The following BRINP1 variants were observed in gnomAD, a reference collection of about 807,000 sequenced individuals.
The protein encoded by BRINP1 is BMP/retinoic acid inducible neural specific 1, also known as BMP/retinoic acid-inducible neural-specific protein 1.
In BRINP1, 17 loss-of-function variants were observed where a neutral mutation model predicts 72.9. The ratio of observed to expected loss-of-function variants is 0.23; its 90% CI spans 0.16 to 0.35. BRINP1 has a LOEUF of 0.35. BRINP1 is among the 10% of genes least tolerant of loss of function. The pLI, the probability that BRINP1 is intolerant of heterozygous loss-of-function variation, is 1.00. For synonymous variants in BRINP1, 418 were observed against 378.5 expected (o/e 1.10, Z -1.21); for missense variants, 850 against 1,001.6 (o/e 0.85, Z 2.04).
chr9:119,246,817 T>A (rs1379491352), intron 3 of BRINP1, among the ~76,000 whole-genome samples: 2 of 152,220 alleles, frequency 1.3e-5, no homozygotes, highest in Admixed American at 6.5e-5. Context: ...TTATGGCACA[T>A]AGTGTTCAAT....
intron 4 of BRINP1, among the ~76,000 whole-genome samples, chr9:119,239,029 T>G (rs1218885488): frequency 6.6e-6 from 1 of 152,176 alleles, no homozygotes; most frequent in African/African-American, 2.4e-5. Context: ...AGACATGAAC[T>G]TAGAAGTTGA....
Position 119,368,654 on chromosome 9 carries a change from C to T in BRINP1, c.-51+402G>A, listed in dbSNP as rs1831720638. Among the ~76,000 whole-genome samples the T allele has an allele frequency of 6.6e-6, 1 of 152,124 alleles. No individual in the cohort carries two copies. Among genetic ancestry groups the T allele is most frequent in the African/African-American group, 2.4e-5 (1 of 41,428 alleles). Reference sequence around the variant, plus strand: ...ACATACGTACAAACATGCACACACACATCGCGCCGTAAGTAGGTTATAGGA... The same window carrying T: ...ACATACGTACAAACATGCACACACATATCGCGCCGTAAGTAGGTTATAGGA... On this transcript the variant is annotated intron_variant, in intron 1 of 7. Transcript: ENST00000265922. This position sits in a 1 kb window ranked among gnomAD's most constrained non-coding sequence, Gnocchi z 4.7.
intron 7 of BRINP1, among the ~76,000 whole-genome samples, chr9:119,169,994 CAAAGACCAAAAGTAGA>C (rs1363201553): frequency 6.6e-6 from 1 of 152,162 alleles, no homozygotes; most frequent in African/African-American, 2.4e-5. Flanking sequence ...TCACCATCAT[CAAAGACCAAAAGTAGA>C]TAAAACCACA....
intron 1 of BRINP1, among the ~76,000 whole-genome samples, chr9:119,318,317 A>G (rs1309451599): frequency 6.6e-6 from 1 of 152,230 alleles, no homozygotes; most frequent in Non-Finnish European, 1.5e-5. Context: ...AATATGAAAG[A>G]TAAAGCAAAG....
intron 7 of BRINP1, among the ~76,000 whole-genome samples, chr9:119,193,478 C>T (rs949548090): frequency 1.3e-5 from 2 of 152,042 alleles, no homozygotes; most frequent in African/African-American, 4.8e-5. Context: ...TACAAAATAA[C>T]AAATAAGTAG....
chr9:119,332,051 A>C, intron 1 of BRINP1, among the ~76,000 whole-genome samples: 1 of 152,172 alleles, frequency 6.6e-6, no homozygotes, highest in East Asian at 1.9e-4. Context: ...TGCAGGGACA[A>C]GCCTCCTGAT....
intron 2 of BRINP1, among the ~76,000 whole-genome samples, chr9:119,261,411 T>C (rs1024437538): frequency 3.9e-5 from 6 of 152,196 alleles, no homozygotes; most frequent in Non-Finnish European, 8.8e-5. Flanking sequence ...TAACTTATGG[T>C]AGGGATTGCC....
intron 7 of BRINP1, among the ~76,000 whole-genome samples, chr9:119,207,044 T>C (rs188438781): frequency 6.6e-6 from 1 of 152,158 alleles, no homozygotes; most frequent in African/African-American, 2.4e-5. Context: ...TGAGTTTGAA[T>C]GTCTGTACAA....
intron 1 of BRINP1, among the ~76,000 whole-genome samples, chr9:119,338,871 G>A (rs1366164457): frequency 6.6e-6 from 1 of 150,468 alleles, no homozygotes; most frequent in Non-Finnish European, 1.5e-5. Context: ...GGCGACACAG[G>A]GAGACTCCGT....
At chr9:119,241,996 C>A in intron 4 of BRINP1, 51 bp downstream of exon 4, 1 of 1,564,758 alleles carries the variant, frequency 6.4e-7, no homozygotes, top group South Asian at 1.2e-5. Context: ...GCCTGCATTG[C>A]AGTGTTGTTG....
intron 2 of BRINP1, among the ~76,000 whole-genome samples, chr9:119,305,352 A>G (rs547822597): frequency 3.0e-4 from 45 of 152,342 alleles, no homozygotes; most frequent in African/African-American, 1.1e-3. Context: ...CTAAATGGCT[A>G]TCTAGTAATA....
At chr9:119,362,498 A>G (rs1410333446) in intron 1 of BRINP1, among the ~76,000 whole-genome samples, 1 of 152,172 alleles carries the variant, frequency 6.6e-6, no homozygotes, top group Non-Finnish European at 1.5e-5. Context: ...AGATTTGCAG[A>G]TCGGTACTAT....
intron 2 of BRINP1, among the ~76,000 whole-genome samples, chr9:119,312,190 G>C (rs1046745950): frequency 6.6e-6 from 1 of 152,162 alleles, no homozygotes; most frequent in African/African-American, 2.4e-5. Flanking sequence ...CTGCATTACA[G>C]ACACCACCAT....
At chr9:119,193,227 A>T (rs1283155504) in intron 7 of BRINP1, among the ~76,000 whole-genome samples, 1 of 152,262 alleles carries the variant, frequency 6.6e-6, no homozygotes, top group African/African-American at 2.4e-5. Flanking sequence ...ATATGATATA[A>T]TATTATTCAG....
At position 119,249,099 on chromosome 9, in the gene BRINP1, C is replaced by A; in HGVS notation, c.270G>T (p.Leu90=). ...GCATGAGGGGCACTGGATGGCGGAC[C>A]AGATCTCTCCTCTCGATGGCTGTGT... ...VRNTAIERRD[L]VRHPVPLMPE... is the part of the protein sequence containing the mutation. Residue 90 remains leucine, a synonymous_variant, in exon 3 of 8, where the codon CTG becomes CTT. Transcript: ENST00000265922. The A allele has an allele frequency of 1.9e-6, 3 of 1,614,052 alleles. No individual in the cohort carries two copies. Among genetic ancestry groups the A allele is most frequent in the Non-Finnish European group, 2.5e-6 (3 of 1,180,020 alleles).
chr9:119,208,965 G>A (rs1829889680), intron 6 of BRINP1, 24 bp from the exon 7 acceptor site: 3 of 1,589,246 alleles, frequency 1.9e-6, no homozygotes, highest in Non-Finnish European at 2.6e-6. Flanking sequence ...AAGGCCGAGA[G>A]AGAAGGGCTA....
intron 1 of BRINP1, among the ~76,000 whole-genome samples, chr9:119,360,291 G>A (rs1831615861): frequency 6.6e-6 from 1 of 152,168 alleles, no homozygotes; most frequent in Admixed American, 6.5e-5. Context: ...ATACCAAAGT[G>A]CTGATTTTCT....
At chr9:119,266,486 C>T (rs192383692) in intron 2 of BRINP1, among the ~76,000 whole-genome samples, 85 of 152,262 alleles carry the variant, frequency 5.6e-4, no homozygotes, top group African/African-American at 1.9e-3. Context: ...CCCAAAACCT[C>T]GAATATTTAA....
At chr9:119,223,116 A>G (rs1043889092) in intron 5 of BRINP1, among the ~76,000 whole-genome samples, 1 of 151,932 alleles carries the variant, frequency 6.6e-6, no homozygotes, top group Non-Finnish European at 1.5e-5. Flanking sequence ...GCTCTCACTA[A>G]CTGTTTGACC....
Sources: gnomAD v4.1 joint callset for allele counts (sites outside exome capture counted in the v4.1 genomes callset) on GRCh38, gnomAD v4.1.1 for gene constraint, Gnocchi (gnomAD v3.1) non-coding constraint, MANE v1.5 for transcripts, NCBI Gene and HGNC (gene_info 2026-07-23, HGNC 2026-07-21) for gene names.